The following GRK2 variants were observed in gnomAD, a reference collection of about 807,000 sequenced individuals.
The protein encoded by GRK2 is adrenergic beta receptor kinase 1.
A neutral mutation model predicts 97.8 loss-of-function variants in GRK2; 23 were observed. The observed-to-expected ratio is 0.24, with a 90% CI of 0.17 to 0.33. The LOEUF (loss-of-function observed/expected upper bound fraction) is 0.33. Among genes scored for constraint, GRK2 ranks in the 10% least tolerant of loss-of-function variants. GRK2 has a pLI of 1.00. For synonymous variants in GRK2, 425 were observed against 381.7 expected, an observed-to-expected ratio of 1.11 and a Z score of -1.32; for missense variants, 633 against 956.9, an observed-to-expected ratio of 0.66 and a Z score of 4.47.
At position 67,283,007 on chromosome 11, in the gene GRK2, G is replaced by A. The variant is rs866796773; in HGVS notation, c.1228-121G>A. 7 of 1,194,980 alleles carry A rather than the reference G, an allele frequency of 5.9e-6. No individual in the cohort carries two copies. In the Middle Eastern group the frequency reaches 1.1e-3, roughly 196 times the overall value. 74.0% of individuals were successfully genotyped at this position (1,194,980 alleles called of 1,614,324 possible). ...TGCTGTTGGAGCATGACTGCTGGGC[G>A]AGCTAGGATGCTGTGCCCCATCTGT... On this transcript the variant is annotated intron_variant, in intron 14 of 20. Transcript: ENST00000308595.
intron 1 of GRK2, among the ~76,000 whole-genome samples, chr11:67,275,282 C>T (rs906868488): frequency 6.6e-6 from 1 of 152,152 alleles, no homozygotes; most frequent in African/African-American, 2.4e-5. Flanking sequence ...AGCCCCCTCT[C>T]GAGGCCGAGG....
At position 67,281,163 on chromosome 11, in the gene GRK2, G is replaced by T; in HGVS notation, c.626G>T (p.Arg209Leu). The T allele has an allele frequency of 6.2e-7, 1 of 1,613,266 alleles. No homozygotes were observed. ...RGGFGEVYGC[R>L]KADTGKMYAM... is the part of the protein sequence containing the mutation. ...GGCTTTGGCGAGGTCTATGGGTGCC[G>T]GAAGGCTGACACAGGCAAGATGTGA... The change falls in exon 8 of 21, where the codon CGG (arginine) becomes CTG (leucine). Residue 209 changes from arginine to leucine, a missense_variant. By Grantham distance (102) the Arg-to-Leu change is moderately radical (BLOSUM62 -2). This residue lies in a region of GRK2 where 192 missense variants were observed against 362.3 expected (regional missense o/e 0.53). Transcript: ENST00000308595. This position sits in a 1 kb window ranked among gnomAD's most constrained non-coding sequence, Gnocchi z 5.7.
intron 7 of GRK2, 84 bp downstream of exon 7, chr11:67,280,867 G>A (rs377712793): frequency 6.8e-7 from 1 of 1,471,168 alleles, no homozygotes; most frequent in African/African-American, 1.4e-5. Flanking sequence ...TGGCTGGGAG[G>A]GGGAGGTCAG....
In GRK2 at chr11:67,269,276, C is replaced by T. The variant is rs1318413998; in HGVS notation, c.113+2464C>T. Among the ~76,000 whole-genome samples the T allele has an allele frequency of 6.7e-6, 1 of 148,814 alleles. No individual in the cohort carries two copies. The highest frequency in any genetic ancestry group is 2.5e-5 in the African/African-American group (1 of 40,264). On this transcript the variant is annotated intron_variant, in intron 1 of 20. Transcript: ENST00000308595. This position sits in a 1 kb window ranked among gnomAD's most constrained non-coding sequence, Gnocchi z 4.1. ...CAGAGTGCTTTTTACTCTGTTTTGT[C>T]CTTTTGACAACTGTGAGAGGCAGGC...
At chr11:67,283,297 AC>A (rs1860195709) in intron 15 of GRK2, 69 bp downstream of exon 15, 1 of 1,391,632 alleles carries the variant, frequency 7.2e-7, no homozygotes, top group Admixed American at 1.7e-5. Context: ...GTGTCCCGTC[AC>A]CTGGAACCCC....
rs1424950621 is a variant in GRK2, at chr11:67,283,026, C to A, written c.1228-102C>A. On this transcript the variant is annotated intron_variant, in intron 14 of 20. Transcript: ENST00000308595. Reference sequence around the variant, plus strand: ...CTGGGCGAGCTAGGATGCTGTGCCCCATCTGTCCCTCTGCGGGGGCCTGGA... The same window carrying A: ...CTGGGCGAGCTAGGATGCTGTGCCCAATCTGTCCCTCTGCGGGGGCCTGGA... 5.5e-6 allele frequency: 7 copies of A among 1,274,850 alleles called. No individual in the cohort carries two copies. In the East Asian group the frequency reaches 1.2e-4, roughly 21 times the overall value. 79.0% of individuals were successfully genotyped at this position (1,274,850 alleles called of 1,614,324 possible). A position where few individuals can be genotyped will look rare whatever the true frequency, so the allele number is the denominator to read the frequency against.
chr11:67,280,925 GC>G, intron 7 of GRK2, 142 bp downstream of exon 7: 1 of 1,179,746 alleles, frequency 8.5e-7, no homozygotes, highest in Non-Finnish European at 1.2e-6. Flanking sequence ...GGGGGTCAGG[GC>G]CGGGATCCCA....
In GRK2 at chr11:67,284,282, G is replaced by C. The variant is rs1367742086; in HGVS notation, c.1563G>C (p.Val521=). 5 of 1,613,466 alleles carry C rather than the reference G, an allele frequency of 3.1e-6. No homozygotes were observed. The highest frequency in any genetic ancestry group is 1.7e-5 in the Admixed American group (1 of 60,022). ...LTISERWQQE[V]AETVFDTINA... ...TCTCGGAGCGGTGGCAGCAGGAGGT[G>C]GCAGAGACTGTCTTCGACACCATCA... is the stretch of plus-strand genomic sequence containing the variant. The change falls in exon 18 of 21, where the codon GTG becomes GTC. Residue 521 remains valine (V), a synonymous_variant. Coordinates refer to ENST00000308595, the MANE Select transcript of GRK2 (RefSeq NM_001619.5).
chr11:67,280,092 C>G, intron 6 of GRK2, 192 bp downstream of exon 6: 1 of 620,798 alleles, frequency 1.6e-6, no homozygotes, highest in Non-Finnish European at 2.9e-6. Context: ...CCCTGCCCTC[C>G]TCAGCACCAG....
intron 1 of GRK2, among the ~76,000 whole-genome samples, chr11:67,267,121 G>A (rs1859818423): frequency 1.3e-5 from 2 of 151,926 alleles, no homozygotes; most frequent in African/African-American, 2.4e-5. Context: ...CCGGCCCCCC[G>A]AAGTCGCTGT....
intron 1 of GRK2, among the ~76,000 whole-genome samples, chr11:67,272,861 G>A (rs905920389): frequency 3.3e-5 from 5 of 152,234 alleles, no homozygotes; most frequent in African/African-American, 1.2e-4. Flanking sequence ...CCTGGCCACA[G>A]GCCCCATCCT....
In GRK2 at chr11:67,281,787, A is replaced by G. The variant is rs370779125; in HGVS notation, c.827-35A>G. Reference sequence around the variant, plus strand: ...CCCAGGCACGGGAGGCTGGGGCAAGACACTGAGTGCTGCCTGTGGGACTGC... The same window carrying G: ...CCCAGGCACGGGAGGCTGGGGCAAGGCACTGAGTGCTGCCTGTGGGACTGC... On this transcript the variant is annotated intron_variant, in intron 10 of 20. Coordinates refer to ENST00000308595, the MANE Select transcript of GRK2 (RefSeq NM_001619.5). This position sits in a 1 kb window ranked among gnomAD's most constrained non-coding sequence, Gnocchi z 5.7. The G allele has an allele frequency of 3.4e-5, 55 of 1,613,436 alleles. No individual in the cohort carries two copies. Among genetic ancestry groups the G allele is most frequent in the Non-Finnish European group, 4.0e-5 (47 of 1,179,948 alleles).
rs1488246192 is a variant in GRK2, at chr11:67,285,595, C to T, written c.*145C>T. On this transcript the variant is annotated 3_prime_UTR_variant, in exon 21 of 21. Coordinates refer to ENST00000308595, the MANE Select transcript of GRK2 (RefSeq NM_001619.5). ...TGGCCCAGCTCCCCCGGGAGGGGCC[C>T]GCTTGCCTCGGCTCCTGCTGCACCA... is the stretch of plus-strand genomic sequence containing the variant. 33 of 1,094,330 alleles carry T rather than the reference C, an allele frequency of 3.0e-5. No individual in the cohort carries two copies. The highest frequency in any genetic ancestry group is 8.8e-5 in the South Asian group (5 of 56,792). The allele number at this position is 1,094,330 out of a possible 1,614,324, so 67.8% of individuals were successfully genotyped here.
chr11:67,270,278 C>T (rs1054090012), intron 1 of GRK2, among the ~76,000 whole-genome samples: 44 of 152,274 alleles, frequency 2.9e-4, no homozygotes, highest in African/African-American at 1.0e-3. Flanking sequence ...CCTGCCTGGG[C>T]GCTCCCAGGA....
In GRK2 at chr11:67,279,539, C is replaced by G. The variant is rs1367157021; in HGVS notation, c.366+20C>G. 1.2e-6 allele frequency: 2 copies of G among 1,612,734 alleles called. No individual in the cohort carries two copies. The highest frequency in any genetic ancestry group is 2.7e-5 in the African/African-American group (2 of 74,910). On this transcript the variant is annotated intron_variant, in intron 4 of 20. Transcript: ENST00000308595. ...TCGCATGTGAGTGTCCTCAGCTGGCCCTGTGTGCTGGCCCAGAGTCACCTG... is the reference window on the plus strand; with the variant it reads ...TCGCATGTGAGTGTCCTCAGCTGGCGCTGTGTGCTGGCCCAGAGTCACCTG...
intron 1 of GRK2, among the ~76,000 whole-genome samples, chr11:67,272,961 G>A (rs1204385255): frequency 2.0e-5 from 3 of 152,362 alleles, no homozygotes; most frequent in East Asian, 1.9e-4. Flanking sequence ...ATGGACTGTC[G>A]GTGAGCCGTG....
chr11:67,274,495 C>CATTTTTTTTTTTT (rs1859982021), intron 1 of GRK2, among the ~76,000 whole-genome samples: 3 of 22,472 alleles, frequency 1.3e-4, no homozygotes, highest in African/African-American at 3.5e-4. Flanking sequence ...TGACCAGCAC[C>CATTTTTTTTTTTT]TTTTTTTTTT....
chr11:67,274,285 A>G (rs1384693409), intron 1 of GRK2, among the ~76,000 whole-genome samples: 2 of 151,848 alleles, frequency 1.3e-5, no homozygotes, highest in Admixed American at 1.3e-4. Context: ...TGCTGGGATT[A>G]CAGGCGTGAG....
intron 15 of GRK2, 143 bp from the exon 16 acceptor site, chr11:67,283,564 C>T: frequency 1.2e-6 from 1 of 826,620 alleles, no homozygotes; most frequent in Non-Finnish European, 1.9e-6. Context: ...GTAGGAACTT[C>T]TGTTCTCCCA....
Sources: gnomAD v4.1 joint callset for allele counts (sites outside exome capture counted in the v4.1 genomes callset) on GRCh38, gnomAD v4.1.1 for gene constraint, gnomAD v4.1.1 regional missense constraint, Gnocchi (gnomAD v3.1) non-coding constraint, MANE v1.5 for transcripts, NCBI Gene and HGNC (gene_info 2026-07-23, HGNC 2026-07-21) for gene names.